Variants in B3GALT5 observed in about 807,000 individuals in gnomAD.
The protein encoded by B3GALT5 is beta-1,3-galactosyltransferase 5, also known as UDP-Gal:betaGlcNAc beta 1,3-galactosyltransferase, polypeptide 5.
For synonymous variants in B3GALT5, 156 were observed against 158.6 expected (o/e 0.98, Z 0.12); for missense variants, 328 against 396.6 (o/e 0.83, Z 1.47).
chr21:39,618,867 G>C (rs562445080), intron 1 of B3GALT5, among the ~76,000 whole-genome samples: 2 of 151,980 alleles, frequency 1.3e-5, no homozygotes, highest in African/African-American at 4.8e-5. Flanking sequence ...CCACTCTAAG[G>C]CTATAAAGAT....
chr21:39,655,567 C>T (rs1044848139), intron 2 of B3GALT5, among the ~76,000 whole-genome samples: 1 of 152,266 alleles, frequency 6.6e-6, no homozygotes, highest in East Asian at 1.9e-4. Flanking sequence ...GGGAGATTCT[C>T]TCTGCTTGAG....
rs1340500579 is a variant in B3GALT5 at position 39,672,687 on chromosome 21, T to C, written c.*11195T>C. 6.6e-6 allele frequency: 1 copy of C among 152,266 alleles called. No homozygotes were observed. Among genetic ancestry groups the C allele is most frequent in the Non-Finnish European group, 1.5e-5 (1 of 68,056 alleles). 9.4% of individuals were successfully genotyped at this position (152,266 alleles called of 1,614,324 possible). On this transcript the variant is annotated 3_prime_UTR_variant, in exon 4 of 4. Coordinates refer to ENST00000684187, the MANE Select transcript of B3GALT5 (RefSeq NM_001356336.2). Reference sequence around the variant, plus strand: ...GTAATGGTCTGAATCGGACAATCCTTTTGTTTTTACATTGATGTTTTCTAT... The same window carrying C: ...GTAATGGTCTGAATCGGACAATCCTCTTGTTTTTACATTGATGTTTTCTAT...
chr21:39,639,346 C>T (rs866234181), intron 1 of B3GALT5, among the ~76,000 whole-genome samples: 389 of 114,358 alleles, frequency 3.4e-3, no homozygotes, highest in Non-Finnish European at 4.2e-3. Flanking sequence ...TTCTTTCTTT[C>T]TTTCCTTCCT....
intron 2 of B3GALT5, among the ~76,000 whole-genome samples, chr21:39,658,230 G>T (rs934440738): frequency 1.3e-5 from 2 of 151,990 alleles, no homozygotes. Context: ...AATGACCCCG[G>T]GTCATTTGGG....
rs147608620 is a variant in B3GALT5, at chr21:39,615,254, C to T, written c.-392+2187C>T. ...ATCAAGCTTTGTGGCTGACCTCTTC[C>T]GAGTTTTGACAACACTTCTTTGCCC... is the stretch of plus-strand genomic sequence containing the variant. On this transcript the variant is annotated intron_variant, in intron 1 of 3. Coordinates refer to ENST00000684187, the MANE Select transcript of B3GALT5 (RefSeq NM_001356336.2). 3.6e-3 allele frequency among the ~76,000 whole-genome samples: 546 copies of T among 152,266 alleles called. 2 individuals are homozygous for T. Among genetic ancestry groups the T allele is most frequent in the Non-Finnish European group, 6.4e-3 (433 of 68,020 alleles).
At position 39,670,497 on chromosome 21, in the gene B3GALT5, A is replaced by T. The variant is rs1473866170; in HGVS notation, c.*9005A>T. 6.6e-6 allele frequency: 1 copy of T among 152,218 alleles called. No individual in the cohort carries two copies. Among genetic ancestry groups the T allele is most frequent in the Non-Finnish European group, 1.5e-5 (1 of 68,044 alleles). The allele number at this position is 152,218 out of a possible 1,614,324, so 9.4% of individuals were successfully genotyped here. A position where few individuals can be genotyped will look rare whatever the true frequency, so the allele number is the denominator to read the frequency against. The stretch of plus-strand genomic sequence containing the variant: ...GCACAATCAGTCACACATTTGTTAT[A>T]TGACAGCTATGTGCCACACACCCAT... On this transcript the variant is annotated 3_prime_UTR_variant, in exon 4 of 4. Coordinates refer to ENST00000684187, the MANE Select transcript of B3GALT5 (RefSeq NM_001356336.2).
chr21:39,661,237 G>A lies in B3GALT5; in HGVS notation c.678G>A (p.Ala226=), dbSNP rs1453117170. ...GTGYVFSGDV[A]SQVYNVSKSV... Reference sequence around the variant, plus strand: ...GCTACGTGTTTTCTGGCGACGTGGCGAGTCAGGTGTACAATGTCTCCAAGA... The same window carrying A: ...GCTACGTGTTTTCTGGCGACGTGGCAAGTCAGGTGTACAATGTCTCCAAGA... The change falls in exon 4 of 4, where the codon GCG becomes GCA. Residue 226 remains alanine, a synonymous_variant. Coordinates refer to ENST00000684187, the MANE Select transcript of B3GALT5 (RefSeq NM_001356336.2). The surrounding 1 kb of genome is among the most constrained non-coding windows in gnomAD (Gnocchi z 4.7). 3.7e-6 allele frequency: 6 copies of A among 1,614,128 alleles called. No individual in the cohort carries two copies. The African/African-American group carries it at 4.0e-5, about 11-fold the overall frequency.
intron 1 of B3GALT5, among the ~76,000 whole-genome samples, chr21:39,615,699 G>A (rs981351860): frequency 6.6e-6 from 1 of 152,142 alleles, no homozygotes; most frequent in Non-Finnish European, 1.5e-5. Flanking sequence ...CCTCAGTTTC[G>A]TTAATTGAAA....
Position 39,661,305 on chromosome 21 carries a change from G to A in B3GALT5, c.746G>A (p.Cys249Tyr). The A allele has an allele frequency of 6.2e-7, 1 of 1,614,150 alleles. No individual in the cohort carries two copies. The highest frequency in any genetic ancestry group is 8.5e-7 in the Non-Finnish European group (1 of 1,180,026). The change falls in exon 4 of 4, where the codon TGC becomes TAC. Residue 249 changes from cysteine (C) to tyrosine (Y), a missense_variant. Transcript: ENST00000684187. This position sits in a 1 kb window ranked among gnomAD's most constrained non-coding sequence, Gnocchi z 4.7. ...IKLEDVFVGLCLERLNIRLEE... is the reference protein window; with the variant it reads ...IKLEDVFVGLYLERLNIRLEE... ...CTGGAAGACGTGTTTGTGGGGCTCT[G>A]CCTCGAAAGGCTGAACATCAGATTG... is the stretch of plus-strand genomic sequence containing the variant.
chr21:39,620,041 GT>G (rs1284802129), intron 1 of B3GALT5, among the ~76,000 whole-genome samples: 1 of 152,140 alleles, frequency 6.6e-6, no homozygotes, highest in Non-Finnish European at 1.5e-5. Flanking sequence ...GGCCAGGCTG[GT>G]CTCGAACCCC....
In B3GALT5 at chr21:39,636,095, T is replaced by C. The variant is rs560223088; in HGVS notation, c.-391-10297T>C. Among the ~76,000 whole-genome samples, 47 of 152,368 alleles carry C rather than the reference T, an allele frequency of 3.1e-4. 1 individual carries two copies. The highest frequency in any genetic ancestry group is 1.5e-5 in the Non-Finnish European group (1 of 68,030). ...AAACCACAGAAGTTAAGTACTGGAA[T>C]GTTTACTATCGGGCAATTTGCTCAT... is the stretch of plus-strand genomic sequence containing the variant. On this transcript the variant is annotated intron_variant, in intron 1 of 3. Transcript: ENST00000684187.
chr21:39,628,450 C>T (rs957536344), intron 1 of B3GALT5, among the ~76,000 whole-genome samples: 44 of 152,188 alleles, frequency 2.9e-4, no homozygotes, highest in African/African-American at 1.0e-3. Flanking sequence ...TCTCTACATC[C>T]GTGTGCACAC....
chr21:39,627,185 G>C (rs979219108), intron 1 of B3GALT5, among the ~76,000 whole-genome samples: 108 of 152,198 alleles, frequency 7.1e-4, no homozygotes, highest in African/African-American at 2.5e-3. Flanking sequence ...CTGGCTCCCA[G>C]ATTTCCTGTA....
chr21:39,650,675 C>T (rs765315295), intron 2 of B3GALT5, among the ~76,000 whole-genome samples: 2 of 152,010 alleles, frequency 1.3e-5, no homozygotes, highest in African/African-American at 2.4e-5. Flanking sequence ...CCAGCTGAGC[C>T]GGGGTGCTCT....
intron 1 of B3GALT5, among the ~76,000 whole-genome samples, chr21:39,624,226 C>T (rs142557434): frequency 1.2e-4 from 19 of 152,302 alleles, no homozygotes; most frequent in African/African-American, 3.8e-4. Context: ...CATTCGCTCC[C>T]CCCATAAAAC....
chr21:39,616,730 C>T (rs954823492), intron 1 of B3GALT5, among the ~76,000 whole-genome samples: 2 of 152,124 alleles, frequency 1.3e-5, no homozygotes, highest in Non-Finnish European at 2.9e-5. Flanking sequence ...ATCAGCTTTT[C>T]TGTGGCCTGA....
rs1045062419 is a variant in B3GALT5 at position 39,669,726 on chromosome 21, C to T, written c.*8234C>T. The T allele has an allele frequency of 1.3e-5, 2 of 152,172 alleles. No individual in the cohort carries two copies. The highest frequency in any genetic ancestry group is 4.8e-5 in the African/African-American group (2 of 41,440). 9.4% of individuals were successfully genotyped at this position (152,172 alleles called of 1,614,324 possible). ...GGAGGAAACTGAGGGGCAGGTGACT[C>T]AGTGACTTCCCCGGGGGCTCAGACG... On this transcript the variant is annotated 3_prime_UTR_variant, in exon 4 of 4. Transcript: ENST00000684187.
At chr21:39,633,925 A>G (rs1028802597) in intron 1 of B3GALT5, among the ~76,000 whole-genome samples, 3 of 152,192 alleles carry the variant, frequency 2.0e-5, no homozygotes, top group Non-Finnish European at 4.4e-5. Flanking sequence ...GATGGGGTAA[A>G]TGATGGAGCT....
chr21:39,653,556 C>G (rs1003971888), intron 2 of B3GALT5, among the ~76,000 whole-genome samples: 2 of 152,268 alleles, frequency 1.3e-5, no homozygotes, highest in African/African-American at 4.8e-5. Context: ...CTTGGCAAGA[C>G]AGCAGTTTCC....
Sources: gnomAD v4.1 joint callset for allele counts (sites outside exome capture counted in the v4.1 genomes callset) on GRCh38, gnomAD v4.1.1 for gene constraint, Gnocchi (gnomAD v3.1) non-coding constraint, MANE v1.5 for transcripts, NCBI Gene and HGNC (gene_info 2026-07-23, HGNC 2026-07-21) for gene names.